The following ZNF528 variants were observed in gnomAD, a reference collection of about 807,000 sequenced individuals.
ZNF528 encodes zinc finger protein 528.
ZNF528 carries 9 observed loss-of-function variants against 13.3 expected under a neutral mutation model. That is an observed-to-expected ratio of 0.67 (90% CI 0.41 to 1.18). The LOEUF is 1.18. ZNF528 is among the 50% of genes most tolerant of loss of function. ZNF528 has a pLI of 0.01. For missense variants in ZNF528, 858 were observed against 745.4 expected, an observed-to-expected ratio of 1.15 and a Z score of -1.76; for synonymous variants, 264 against 254.3, an observed-to-expected ratio of 1.04 and a Z score of -0.36.
rs1448520737 is a variant in ZNF528, at chr19:52,406,443, T to G, written c.143-72T>G. ...TTTATGATTTAATTATAATATCCTC[T>G]CTCCTCCCTAAATACAGGGCTTGGA... On this transcript the variant is annotated intron_variant, in intron 5 of 6. Transcript: ENST00000360465. The G allele has an allele frequency of 3.2e-6, 5 of 1,553,380 alleles. No individual in the cohort carries two copies. In the East Asian group the frequency reaches 1.1e-4, roughly 35 times the overall value.
intron 4 of ZNF528, among the ~76,000 whole-genome samples, chr19:52,403,669 A>AAG (rs1455696534): frequency 4.0e-5 from 6 of 151,206 alleles, no homozygotes; most frequent in Non-Finnish European, 7.4e-5. Flanking sequence ...CAAAAAAAAA[A>AAG]AAAAAAAAAA....
chr19:52,414,054 C>T, intron 6 of ZNF528: 1 of 594,854 alleles, frequency 1.7e-6, no homozygotes, highest in South Asian at 2.0e-5. Flanking sequence ...ACAAGTTCTG[C>T]CCCACGTTAC....
intron 6 of ZNF528, chr19:52,411,445 C>T (rs2058929936): frequency 1.3e-5 from 2 of 152,302 alleles, no homozygotes. Flanking sequence ...GCATTAATAG[C>T]TCTCAAATCA....
chr19:52,409,638 T>C (rs2058904333), intron 6 of ZNF528, among the ~76,000 whole-genome samples: 1 of 152,204 alleles, frequency 6.6e-6, no homozygotes, highest in Non-Finnish European at 1.5e-5. Flanking sequence ...TTTATTTCAA[T>C]GTCCTTATGT....
chr19:52,416,323 A>G lies in ZNF528; in HGVS notation c.1471A>G (p.Lys491Glu). ...TSHHRIHTGE[K>E]PYKCNRCGKV... ...TCATCATAGAATTCATACTGGAGAG[A>G]AGCCTTACAAATGTAACAGATGTGG... The change falls in exon 7 of 7, where the codon AAG (lysine) becomes GAG (glutamate). Residue 491 changes from lysine (K) to glutamate (E), a missense_variant. Lys to Glu is a moderately conservative substitution (Grantham distance 56). Coordinates refer to ENST00000360465, the MANE Select transcript of ZNF528 (RefSeq NM_032423.3). 6.2e-7 allele frequency: 1 copy of G among 1,614,146 alleles called. No individual in the cohort carries two copies. The highest frequency in any genetic ancestry group is 8.5e-7 in the Non-Finnish European group (1 of 1,179,984).
intron 4 of ZNF528, among the ~76,000 whole-genome samples, chr19:52,403,754 TGTAA>T (rs914790623): frequency 6.6e-6 from 1 of 151,688 alleles, no homozygotes; most frequent in African/African-American, 2.4e-5. Context: ...TATATGAGTG[TGTAA>T]GTGTGTACAT....
At chr19:52,398,748 C>G (rs2058757366) in intron 2 of ZNF528, 129 bp downstream of exon 2, 7 of 373,266 alleles carry the variant, frequency 1.9e-5, no homozygotes, top group Non-Finnish European at 2.2e-5. Context: ...ATAGGGAAGG[C>G]TTCTCAGACA....
Position 52,415,784 on chromosome 19 carries a change from A to T in ZNF528, c.932A>T (p.His311Leu), listed in dbSNP as rs1279140729. 1.9e-6 allele frequency: 3 copies of T among 1,613,954 alleles called. No individual in the cohort carries two copies. The highest frequency in any genetic ancestry group is 2.5e-6 in the Non-Finnish European group (3 of 1,180,030). The change falls in exon 7 of 7, where the codon CAC (histidine) becomes CTC (leucine). Residue 311 changes from histidine (H) to leucine (L), a missense_variant. Coordinates refer to ENST00000360465, the MANE Select transcript of ZNF528 (RefSeq NM_032423.3). ...GACAAGGTCTTCAATCAAATTGCAC[A>T]CCTTGTACGACATCAAAAAATTCAT... Reference protein sequence around the residue: ...ECDKVFNQIAHLVRHQKIHTG... With the variant: ...ECDKVFNQIALLVRHQKIHTG...
At chr19:52,405,826 C>A (rs2058849047) in intron 4 of ZNF528, 81 bp from the exon 5 acceptor site, 5 of 1,567,596 alleles carry the variant, frequency 3.2e-6, no homozygotes, top group Non-Finnish European at 3.5e-6. Context: ...TGGAGTCAGT[C>A]CTTAACGACT....
chr19:52,415,241 C>T lies in ZNF528; in HGVS notation c.389C>T (p.Ser130Phe). The T allele has an allele frequency of 6.2e-7, 1 of 1,614,080 alleles. No homozygotes were observed. The highest frequency in any genetic ancestry group is 8.5e-7 in the Non-Finnish European group (1 of 1,180,016). Reference sequence around the variant, plus strand: ...CTATTTCAAGCTGAAAGGAAAATTTCTGGGTGTAAGCATTTTGAAAAACCC... The same window carrying T: ...CTATTTCAAGCTGAAAGGAAAATTTTTGGGTGTAAGCATTTTGAAAAACCC... ...LQLFQAERKI[S>F]GCKHFEKPVS... Residue 130 changes from serine (S) to phenylalanine (F), a missense_variant, in exon 7 of 7, where the codon TCT becomes TTT. Physicochemically the swap from Ser to Phe is radical, Grantham distance 155. Transcript: ENST00000360465.
At chr19:52,412,918 T>G (rs2058949350) in intron 6 of ZNF528, 1 of 152,186 alleles carries the variant, frequency 6.6e-6, no homozygotes, top group African/African-American at 2.4e-5. Flanking sequence ...CCTAACAAGC[T>G]CTGAGAAAAT....
intron 6 of ZNF528, chr19:52,413,878 C>T (rs2058964034): frequency 4.0e-6 from 1 of 247,970 alleles, no homozygotes; most frequent in Admixed American, 4.9e-5. Context: ...TCTTTTAATC[C>T]TTTTCCTGCT....
At chr19:52,401,774 T>C in intron 3 of ZNF528, 21 bp downstream of exon 3, 1 of 1,495,910 alleles carries the variant, frequency 6.7e-7, no homozygotes, top group South Asian at 1.2e-5. Context: ...CACATAATGG[T>C]TGATTTCCAA....
chr19:52,407,725 G>A (rs1001620677), intron 6 of ZNF528, among the ~76,000 whole-genome samples: 2 of 152,100 alleles, frequency 1.3e-5, no homozygotes, highest in South Asian at 2.1e-4. Context: ...GCAGTGAGCC[G>A]AGATTGCACC....
intron 3 of ZNF528, 75 bp from the exon 4 acceptor site, chr19:52,401,872 C>A (rs911368402): frequency 6.4e-7 from 1 of 1,556,642 alleles, no homozygotes. Context: ...TGAGGTCTTC[C>A]CTTTGTGTGT....
intron 6 of ZNF528, 122 bp from the exon 7 acceptor site, chr19:52,415,002 A>T: frequency 6.4e-7 from 1 of 1,555,278 alleles, no homozygotes; most frequent in Admixed American, 1.9e-5. Flanking sequence ...AGCATGATAC[A>T]CACAATACCC....
chr19:52,401,425 T>C (rs944050794), intron 2 of ZNF528, among the ~76,000 whole-genome samples: 4 of 152,116 alleles, frequency 2.6e-5, no homozygotes, highest in African/African-American at 9.7e-5. Context: ...AGTGAGGAAA[T>C]AGATTGTTTC....
intron 6 of ZNF528, 41 bp downstream of exon 6, chr19:52,406,684 T>A: frequency 6.3e-7 from 1 of 1,580,788 alleles, no homozygotes; most frequent in Non-Finnish European, 8.6e-7. Context: ...CCATAATTTT[T>A]GTTTTTTGAG....
At chr19:52,408,026 A>G (rs944543447) in intron 6 of ZNF528, among the ~76,000 whole-genome samples, 2 of 151,916 alleles carry the variant, frequency 1.3e-5, no homozygotes, top group African/African-American at 4.8e-5. Context: ...AAAACATTCT[A>G]TTTTAAATGT....
Sources: gnomAD v4.1 joint callset for allele counts (sites outside exome capture counted in the v4.1 genomes callset) on GRCh38, gnomAD v4.1.1 for gene constraint, MANE v1.5 for transcripts, NCBI Gene and HGNC (gene_info 2026-07-23, HGNC 2026-07-21) for gene names.